MPP7: variants seen among roughly 807,000 people sequenced by gnomAD.
The protein encoded by MPP7 is MAGUK p55 subfamily member 7.
A neutral mutation model predicts 76.5 loss-of-function variants in MPP7; 60 were observed. That is an observed-to-expected ratio of 0.78 (90% CI 0.64 to 0.97). MPP7 has a LOEUF of 0.97. MPP7 is among the 50% of genes least tolerant of loss of function. MPP7 has a pLI of 0.00. For missense variants in MPP7, 641 were observed against 694.0 expected, an observed-to-expected ratio of 0.92 and a Z score of 0.86; for synonymous variants, 237 against 244.5, an observed-to-expected ratio of 0.97 and a Z score of 0.29.
chr10:28,077,400 T>A (rs1050866451), intron 12 of MPP7, among the ~76,000 whole-genome samples: 1 of 152,134 alleles, frequency 6.6e-6, no homozygotes, highest in Non-Finnish European at 1.5e-5. Context: ...TTTCAATCAT[T>A]CTTACTGCCA....
At chr10:28,271,071 A>G (rs896820275) in intron 1 of MPP7, among the ~76,000 whole-genome samples, 2 of 152,228 alleles carry the variant, frequency 1.3e-5, no homozygotes, top group African/African-American at 4.8e-5. Flanking sequence ...GAATTATATC[A>G]ATCAAAATGG....
chr10:28,312,070 G>A (rs543094000), intron 2 of MPP7, among the ~76,000 whole-genome samples: 4 of 152,206 alleles, frequency 2.6e-5, no homozygotes, highest in Non-Finnish European at 4.4e-5. Flanking sequence ...AAGATGGCAC[G>A]GACACAAAGA....
intron 5 of MPP7, among the ~76,000 whole-genome samples, chr10:28,140,692 C>T (rs924393860): frequency 6.6e-6 from 1 of 152,064 alleles, no homozygotes; most frequent in African/African-American, 2.4e-5. Flanking sequence ...ACCATTCCAA[C>T]ATGCTTGAAA....
chr10:28,236,660 A>T (rs1839086112), intron 2 of MPP7: 1 of 152,054 alleles, frequency 6.6e-6, no homozygotes, highest in Non-Finnish European at 1.5e-5. Flanking sequence ...GCAAGAAGGG[A>T]AAGAAGAAGT....
At chr10:28,286,961 G>C (rs79790341) in intron 1 of MPP7, among the ~76,000 whole-genome samples, 2,311 of 152,222 alleles carry the variant, frequency 0.015, 38 homozygotes, top group East Asian at 0.071. Context: ...GAGCTGTGCG[G>C]CATACTGAAG....
intron 3 of MPP7, among the ~76,000 whole-genome samples, chr10:28,179,511 T>C (rs1356013340): frequency 2.0e-5 from 3 of 152,198 alleles, no homozygotes; most frequent in African/African-American, 7.2e-5. Context: ...CTTGGAAATA[T>C]CATACATTAA....
In MPP7 at chr10:28,120,220, C is replaced by G; in HGVS notation, c.861G>C (p.Leu287Phe). ...HEADANPRAGLIPSKHFQERR... is the reference protein window; with the variant it reads ...HEADANPRAGFIPSKHFQERR... ...TTTCCTGGAAATGCTTTGAGGGGAT[C>G]AAGCCTGCCCTGGGGTTGGCATCAG... Residue 287 changes from leucine to phenylalanine, a missense_variant, in exon 10 of 17, where the codon TTG (leucine) becomes TTC (phenylalanine). Leu to Phe is a conservative substitution (Grantham distance 22, BLOSUM62 0). Transcript: ENST00000683449. 1 of 1,613,946 alleles carries G rather than the reference C, an allele frequency of 6.2e-7. No individual in the cohort carries two copies.
chr10:28,063,763 C>T (rs1256125765), intron 13 of MPP7, among the ~76,000 whole-genome samples: 1 of 152,168 alleles, frequency 6.6e-6, no homozygotes, highest in Non-Finnish European at 1.5e-5. Context: ...ACACCATCCC[C>T]TCCTGCCCTG....
intron 1 of MPP7, among the ~76,000 whole-genome samples, chr10:28,302,560 G>T (rs1057134152): frequency 4.6e-5 from 7 of 152,124 alleles, no homozygotes; most frequent in African/African-American, 1.7e-4. Context: ...GGTTCTCCCC[G>T]CTCTGGGTCT....
intron 5 of MPP7, among the ~76,000 whole-genome samples, chr10:28,141,792 A>G (rs1835529258): frequency 6.6e-6 from 1 of 152,154 alleles, no homozygotes; most frequent in Admixed American, 6.6e-5. Flanking sequence ...AGAGAATTCC[A>G]AATTTCTTCT....
intron 11 of MPP7, among the ~76,000 whole-genome samples, chr10:28,114,339 G>C (rs1034191279): frequency 2.0e-5 from 3 of 152,156 alleles, no homozygotes. Context: ...TTGAGCCCAG[G>C]AGTTCAAAGC....
chr10:28,095,222 T>TATATATATATATAC lies in MPP7; in HGVS notation c.953-5382_953-5381insGTATATATATATAT, dbSNP rs775763967. On this transcript the variant is annotated intron_variant, in intron 11 of 16. Transcript: ENST00000683449. ...ATATATATATATATATATATATATA[T>TATATATATATATAC]ACAGAAACATATATACATGTACAGA... 1.5e-3 allele frequency among the ~76,000 whole-genome samples: 206 copies of TATATATATATATAC among 136,684 alleles called. 6 individuals carry two copies. The East Asian group carries it at 0.017, about 11-fold the overall frequency. 89.7% of individuals were successfully genotyped at this position (136,684 alleles called of 152,430 possible). A position where few individuals can be genotyped will look rare whatever the true frequency, so the allele number is the denominator to read the frequency against.
intron 11 of MPP7, chr10:28,118,531 C>A (rs1386867513): frequency 1.0e-6 from 1 of 985,172 alleles, no homozygotes; most frequent in Admixed American, 6.2e-5. Flanking sequence ...CAAGGAGCCT[C>A]AAAGCTCCTT....
At chr10:28,156,365 A>G (rs1836061237) in intron 3 of MPP7, among the ~76,000 whole-genome samples, 1 of 152,218 alleles carries the variant, frequency 6.6e-6, no homozygotes, top group Non-Finnish European at 1.5e-5. Context: ...TGTTCCTAGT[A>G]AGAGGAGATT....
chr10:28,062,877 T>C (rs1416731521), intron 13 of MPP7, among the ~76,000 whole-genome samples: 3 of 152,088 alleles, frequency 2.0e-5, no homozygotes, highest in Non-Finnish European at 2.9e-5. Flanking sequence ...ATGTAAAACC[T>C]AAAACTGTAA....
At chr10:28,155,186 C>A (rs571410546) in intron 3 of MPP7, among the ~76,000 whole-genome samples, 1 of 152,266 alleles carries the variant, frequency 6.6e-6, no homozygotes, top group African/African-American at 2.4e-5. Flanking sequence ...GATTCATGAA[C>A]TCCTGAAAAC....
intron 7 of MPP7, among the ~76,000 whole-genome samples, chr10:28,124,329 A>G (rs1443996783): frequency 6.6e-6 from 1 of 152,188 alleles, no homozygotes; most frequent in East Asian, 1.9e-4. Context: ...AGAAATGGTA[A>G]CAGGAGCTTG....
intron 2 of MPP7, among the ~76,000 whole-genome samples, chr10:28,213,235 G>A (rs748857882): frequency 2.3e-4 from 35 of 152,162 alleles, no homozygotes; most frequent in Non-Finnish European, 2.2e-4. Flanking sequence ...ATCCTTGTAC[G>A]GGAAGTGGGG....
intron 3 of MPP7, among the ~76,000 whole-genome samples, chr10:28,160,066 T>C (rs1836206338): frequency 6.7e-6 from 1 of 150,294 alleles, no homozygotes. Context: ...TTGGCAACAA[T>C]ACAGTTTGTT....
Sources: gnomAD v4.1 joint callset for allele counts (sites outside exome capture counted in the v4.1 genomes callset) on GRCh38, gnomAD v4.1.1 for gene constraint, MANE v1.5 for transcripts, NCBI Gene and HGNC (gene_info 2026-07-23, HGNC 2026-07-21) for gene names.